ALOXE3: variants seen among roughly 807,000 people sequenced by gnomAD.
ALOXE3 encodes arachidonate epidermal lipoxygenase 3.
In ALOXE3, 78 loss-of-function variants were observed where a neutral mutation model predicts 87.5. That is an observed-to-expected ratio of 0.89 (90% CI 0.74 to 1.08). ALOXE3 has a LOEUF of 1.08. ALOXE3 is among the 50% of genes least tolerant of loss of function. ALOXE3 has a pLI of 0.00. For missense variants in ALOXE3, 946 were observed against 912.4 expected, an observed-to-expected ratio of 1.04 and a Z score of -0.47; for synonymous variants, 363 against 370.8, an observed-to-expected ratio of 0.98 and a Z score of 0.24.
At chr17:8,111,241 G>A in intron 8 of ALOXE3, 118 bp downstream of exon 8, 1 of 1,269,974 alleles carries the variant, frequency 7.9e-7, no homozygotes, top group African/African-American at 1.5e-5. Context: ...CAGAGGATGA[G>A]GCCCACAGGT....
intron 13 of ALOXE3, among the ~76,000 whole-genome samples, chr17:8,105,480 A>G (rs192574270): frequency 6.6e-6 from 1 of 152,226 alleles, no homozygotes; most frequent in Non-Finnish European, 1.5e-5. Context: ...TAACCACCTG[A>G]CATGTGTTTG....
intron 13 of ALOXE3, among the ~76,000 whole-genome samples, chr17:8,104,433 C>T (rs913929253): frequency 2.0e-5 from 3 of 152,126 alleles, no homozygotes; most frequent in African/African-American, 4.8e-5. Context: ...GCCAGAAAAT[C>T]CCCGGCAGGC....
rs558228838 is a variant in ALOXE3, at chr17:8,116,793, T to C, written c.335A>G (p.Glu112Gly). ...TGGCCCACCTGTTCCTGGCCTCAGC[T>C]CCACGGTGCAGTAGCCTTCAATCCA... ...YQWIEGYCTVELRPGTARTIC... is the reference protein window; with the variant it reads ...YQWIEGYCTVGLRPGTARTIC... The change falls in exon 3 of 16, where the codon GAG becomes GGG. Residue 112 changes from glutamate (E) to glycine (G), a missense_variant. Physicochemically the swap from Glu to Gly is moderately conservative, Grantham distance 98. Coordinates refer to ENST00000448843, the MANE Select transcript of ALOXE3 (RefSeq NM_021628.3). 1.0e-4 allele frequency: 165 copies of C among 1,614,190 alleles called. 2 individuals carry two copies. The South Asian group carries it at 1.7e-3, about 16-fold the overall frequency.
chr17:8,099,022 C>CTTTTTT (rs751705010), intron 15 of ALOXE3, among the ~76,000 whole-genome samples: 1 of 126,736 alleles, frequency 7.9e-6, no homozygotes, highest in African/African-American at 2.9e-5. Context: ...GGCTAGTTTT[C>CTTTTTT]TTTTTTTTTT....
At chr17:8,097,745 ATCTT>A (rs1400925850) in intron 15 of ALOXE3, among the ~76,000 whole-genome samples, 3 of 134,990 alleles carry the variant, frequency 2.2e-5, no homozygotes, top group Admixed American at 8.4e-5. Flanking sequence ...AATACTACTG[ATCTT>A]TTTTTTTTTT....
Position 8,096,633 on chromosome 17 carries a change from G to A in ALOXE3, c.2130C>T (p.Ser710=), listed in dbSNP as rs372739058. Residue 710 remains serine (S), a synonymous_variant, in exon 16 of 16, where the codon TCC becomes TCT. Transcript: ENST00000448843. ...LDPPLIENSV[S]I Reference sequence around the variant, plus strand: ...GGGTGGTATTTGGGGGTGGTTAGATGGAGACGCTGTTCTCAATGAGGGGAG... The same window carrying A: ...GGGTGGTATTTGGGGGTGGTTAGATAGAGACGCTGTTCTCAATGAGGGGAG... 6 of 1,348,928 alleles carry A rather than the reference G, an allele frequency of 4.4e-6. No homozygotes were observed. Among genetic ancestry groups the A allele is most frequent in the Non-Finnish European group, 4.3e-6 (4 of 938,192 alleles). The allele number at this position is 1,348,928 out of a possible 1,614,324, so 83.6% of individuals were successfully genotyped here. A position where few individuals can be genotyped will look rare whatever the true frequency, so the allele number is the denominator to read the frequency against.
Position 8,112,440 on chromosome 17 carries a change from C to T in ALOXE3, c.681-244G>A, listed in dbSNP as rs201579535. 2.0e-5 allele frequency among the ~76,000 whole-genome samples: 3 copies of T among 152,276 alleles called. No individual in the cohort carries two copies. In the East Asian group the frequency reaches 5.8e-4, roughly 29 times the overall value. On this transcript the variant is annotated intron_variant, in intron 6 of 15. Transcript: ENST00000448843. ...TGCACATAAAGTTGGCACACACGGCCCTATGGTGCAGACAAGCCACCCTCA... is the reference window on the plus strand; with the variant it reads ...TGCACATAAAGTTGGCACACACGGCTCTATGGTGCAGACAAGCCACCCTCA...
At chr17:8,103,189 A>G in intron 15 of ALOXE3, 134 bp downstream of exon 15, 1 of 1,029,214 alleles carries the variant, frequency 9.7e-7, no homozygotes, top group Non-Finnish European at 1.5e-6. Context: ...TTCTGAAGAA[A>G]TTGAAGAACC....
chr17:8,118,671 G>C, upstream of ALOXE3: 1 of 1,537,264 alleles, frequency 6.5e-7, no homozygotes, highest in Non-Finnish European at 8.7e-7. Context: ...GGCCCTCTTT[G>C]TCCCCAGCCT....
Position 8,114,460 on chromosome 17 carries a change from T to C in ALOXE3, c.680+24A>G, listed in dbSNP as rs760100948. 6.8e-6 allele frequency: 11 copies of C among 1,613,158 alleles called. No individual in the cohort carries two copies. In the Admixed American group the frequency reaches 1.8e-4, roughly 27 times the overall value. ...ATGGATGGGCAGAGATGTAAGATGT[T>C]CATTAGAGGGACAATGGCCTTACGC... On this transcript the variant is annotated intron_variant, in intron 6 of 15. Transcript: ENST00000448843.
At chr17:8,115,526 G>T (rs539774467) in intron 4 of ALOXE3, 81 bp downstream of exon 4, 1 of 1,427,278 alleles carries the variant, frequency 7.0e-7, no homozygotes, top group East Asian at 2.3e-5. Context: ...GGTTGAGAAT[G>T]AGGTTAGAGT....
chr17:8,103,442 G>C lies in ALOXE3; in HGVS notation c.1837C>G (p.Pro613Ala), dbSNP rs746952944. Residue 613 changes from proline to alanine, a missense_variant, in exon 15 of 16, where the codon CCA becomes GCA. Pro to Ala is a conservative substitution (Grantham distance 27). Transcript: ENST00000448843. Reference protein sequence around the residue: ...PNAPSSMRQPPPQTKGTTTLK... With the variant: ...PNAPSSMRQPAPQTKGTTTLK... Reference sequence around the variant, plus strand: ...GTGGTGGTCCCCTTGGTCTGGGGTGGGGGCTGCCTCATGGATGATGGAGCA... The same window carrying C: ...GTGGTGGTCCCCTTGGTCTGGGGTGCGGGCTGCCTCATGGATGATGGAGCA... The C allele has an allele frequency of 6.2e-6, 10 of 1,614,010 alleles. No homozygotes were observed. The highest frequency in any genetic ancestry group is 8.5e-6 in the Non-Finnish European group (10 of 1,180,028).
chr17:8,114,793 T>C lies in ALOXE3; in HGVS notation c.554+145A>G, dbSNP rs1247174228. ...ACTCTTGTCCCCTGTGCCAGACCCT[T>C]TGGGGCCATCTCCCATCCTGATGCT... is the stretch of plus-strand genomic sequence containing the variant. On this transcript the variant is annotated intron_variant, in intron 5 of 15. Transcript: ENST00000448843. 7 of 1,468,552 alleles carry C rather than the reference T, an allele frequency of 4.8e-6. No individual in the cohort carries two copies. The African/African-American group carries it at 8.3e-5, about 18-fold the overall frequency. 91.0% of individuals were successfully genotyped at this position (1,468,552 alleles called of 1,614,324 possible).
intron 8 of ALOXE3, among the ~76,000 whole-genome samples, chr17:8,110,748 G>T (rs1980004360): frequency 6.6e-6 from 1 of 152,174 alleles, no homozygotes; most frequent in African/African-American, 2.4e-5. Flanking sequence ...CAGCTCGCCT[G>T]CTGAGACAAG....
Position 8,107,987 on chromosome 17 carries a change from A to G in ALOXE3, c.1684+481T>C, listed in dbSNP as rs868658846. ...GAAGGAGAGAGAGAGAGAGAGAAAG[A>G]AAGAAAGGAAGGAAAGAAAGAAAGA... is the stretch of plus-strand genomic sequence containing the variant. On this transcript the variant is annotated intron_variant, in intron 13 of 15. Coordinates refer to ENST00000448843, the MANE Select transcript of ALOXE3 (RefSeq NM_021628.3). Among the ~76,000 whole-genome samples, 7 of 22,732 alleles carry G rather than the reference A, an allele frequency of 3.1e-4. 2 individuals carry two copies. Among genetic ancestry groups the G allele is most frequent in the Non-Finnish European group, 5.0e-4 (4 of 8,008 alleles). 14.9% of individuals were successfully genotyped at this position (22,732 alleles called of 152,430 possible).
intron 7 of ALOXE3, among the ~76,000 whole-genome samples, 154 bp from the exon 8 acceptor site, chr17:8,111,685 A>G (rs924973757): frequency 3.9e-5 from 6 of 152,198 alleles, no homozygotes; most frequent in Non-Finnish European, 7.4e-5. Flanking sequence ...ACTAGACACT[A>G]AGGGTCAGAG....
In ALOXE3 at chr17:8,110,411, C is replaced by T. The variant is rs763297689; in HGVS notation, c.1075G>A (p.Gly359Arg). The T allele has an allele frequency of 6.2e-6, 10 of 1,610,462 alleles. No individual in the cohort carries two copies. Among genetic ancestry groups the T allele is most frequent in the Non-Finnish European group, 6.8e-6 (8 of 1,178,016 alleles). The change falls in exon 9 of 16, where the codon GGG becomes AGG. Residue 359 changes from glycine (G) to arginine (R), a missense_variant. Physicochemically the swap from Gly to Arg is moderately radical, Grantham distance 125 (BLOSUM62 -2). Transcript: ENST00000448843. ...TGGATGGCCAAGGGCACCAGCGCCC[C>T]CTGGGGGCTGAGCCACAGCAGGCAC... ...PLCLLWLSPQ[G>R]ALVPLAIQLS...
At position 8,115,495 on chromosome 17, in the gene ALOXE3, T is replaced by C. The variant is rs1002328810; in HGVS notation, c.434+112A>G. ...TGGGGTTAGGTCCAAATAAGAGTCC[T>C]GATCCAAGCTAGGCACCCAAGGTTG... On this transcript the variant is annotated intron_variant, in intron 4 of 15. Transcript: ENST00000448843. 13 of 1,142,134 alleles carry C rather than the reference T, an allele frequency of 1.1e-5. No individual in the cohort carries two copies. The East Asian group carries it at 2.5e-4, about 22-fold the overall frequency. The allele number at this position is 1,142,134 out of a possible 1,614,324, so 70.7% of individuals were successfully genotyped here.
chr17:8,107,322 G>T (rs139733172), intron 13 of ALOXE3, among the ~76,000 whole-genome samples: 3,304 of 152,270 alleles, frequency 0.022, 112 homozygotes, highest in African/African-American at 0.075. Context: ...TTCAAGACCA[G>T]CCTGTCCAAC....
Sources: gnomAD v4.1 joint callset for allele counts (sites outside exome capture counted in the v4.1 genomes callset) on GRCh38, gnomAD v4.1.1 for gene constraint, MANE v1.5 for transcripts, NCBI Gene and HGNC (gene_info 2026-07-23, HGNC 2026-07-21) for gene names.